The following CAPG variants were observed in gnomAD, a reference collection of about 807,000 sequenced individuals.
The protein encoded by CAPG is capping actin protein, gelsolin like.
Under a neutral mutation model 44.6 loss-of-function variants are expected in CAPG, and 32 were observed. The ratio of observed to expected loss-of-function variants is 0.72; its 90% CI spans 0.54 to 0.96. CAPG has a LOEUF of 0.96. CAPG is among the 50% of genes least tolerant of loss of function. The probability of loss-of-function intolerance (pLI) is 0.00; values close to 1 mark genes in which losing one functional copy is unlikely to be tolerated. For synonymous variants in CAPG, 175 were observed against 179.6 expected (o/e 0.97, Z 0.20); for missense variants, 412 against 438.3 (o/e 0.94, Z 0.54).
chr2:85,399,739 T>TC (rs1401484893), intron 5 of CAPG, among the ~76,000 whole-genome samples: 1 of 145,818 alleles, frequency 6.9e-6, no homozygotes, highest in Non-Finnish European at 1.5e-5. Context: ...TCTTTCTTTT[T>TC]CTTTTTTTTT....
chr2:85,394,052 T>C (rs1360071559), downstream of CAPG, among the ~76,000 whole-genome samples: 1 of 152,242 alleles, frequency 6.6e-6, no homozygotes. Flanking sequence ...TGGTCCAAGC[T>C]GACACAGGCT....
intron 1 of CAPG, among the ~76,000 whole-genome samples, chr2:85,408,346 ACAC>A (rs2104843348): frequency 7.0e-6 from 1 of 143,238 alleles, no homozygotes; most frequent in South Asian, 2.2e-4. Context: ...TGTCACACAC[ACAC>A]ACACACACAC....
intron 7 of CAPG, 179 bp from the exon 8 acceptor site, chr2:85,398,331 T>A: frequency 1.5e-6 from 1 of 670,654 alleles, no homozygotes; most frequent in South Asian, 1.9e-5. Flanking sequence ...GCAGCCCCAC[T>A]CCCTCTCATC....
At chr2:85,411,106 T>C (rs1687396304), upstream of CAPG, among the ~76,000 whole-genome samples, 1 of 152,150 alleles carries the variant, frequency 6.6e-6, no homozygotes, top group African/African-American at 2.4e-5. Flanking sequence ...TCCTCCCACT[T>C]TGGCCTCCCA....
chr2:85,401,657 C>A lies in CAPG; in HGVS notation c.223G>T (p.Gly75Trp). 1 of 1,614,210 alleles carries A rather than the reference C, an allele frequency of 6.2e-7. No individual in the cohort carries two copies. The highest frequency in any genetic ancestry group is 8.5e-7 in the Non-Finnish European group (1 of 1,180,036). ...TGCACAGCCAGCACGGCACAGGCCC[C>A]CTGCTCATCCCGGGATGACTGCTGG... Reference protein sequence around the residue: ...IGQQSSRDEQGACAVLAVHLN... With the variant: ...IGQQSSRDEQWACAVLAVHLN... The change falls in exon 4 of 10, where the codon GGG becomes TGG. Residue 75 changes from glycine (G) to tryptophan (W), a missense_variant. Transcript: ENST00000263867.
At chr2:85,397,835 T>G (rs187368495) in intron 8 of CAPG, among the ~76,000 whole-genome samples, 185 bp downstream of exon 8, 124 of 152,162 alleles carry the variant, frequency 8.1e-4, no homozygotes, top group African/African-American at 2.6e-3. Flanking sequence ...CTGGGCAACA[T>G]AGAAAGAACC....
intron 1 of CAPG, among the ~76,000 whole-genome samples, chr2:85,408,206 G>A (rs1687256707): frequency 6.6e-6 from 1 of 152,108 alleles, no homozygotes; most frequent in Admixed American, 6.5e-5. Flanking sequence ...GCCAGGCATG[G>A]TGGTGCGTGC....
intron 1 of CAPG, 56 bp from the exon 2 acceptor site, chr2:85,402,214 C>T (rs963067993): frequency 8.2e-6 from 12 of 1,460,772 alleles, no homozygotes; most frequent in East Asian, 4.9e-5. Flanking sequence ...GGACCTCTCA[C>T]GTGGGGCTGG....
chr2:85,414,639 C>G (rs1158013846), upstream of CAPG, among the ~76,000 whole-genome samples: 1 of 151,724 alleles, frequency 6.6e-6, no homozygotes, highest in African/African-American at 2.4e-5. Context: ...ACTCTATTGC[C>G]CAGGTTGGTC....
At chr2:85,398,825 C>A in intron 6 of CAPG, 43 bp from the exon 7 acceptor site, 3 of 1,440,408 alleles carry the variant, frequency 2.1e-6, no homozygotes, top group East Asian at 2.4e-5. Context: ...GACCCCTGCC[C>A]TGGAACTTCC....
intron 1 of CAPG, among the ~76,000 whole-genome samples, chr2:85,407,588 C>T (rs1687217833): frequency 6.6e-6 from 1 of 151,672 alleles, no homozygotes; most frequent in Admixed American, 6.6e-5. Flanking sequence ...TGGCGCACAC[C>T]TGTCATCCTA....
intron 1 of CAPG, among the ~76,000 whole-genome samples, chr2:85,402,475 T>TC (rs1331277183): frequency 6.8e-6 from 1 of 147,936 alleles, no homozygotes; most frequent in East Asian, 1.9e-4. Flanking sequence ...GAGCAATGAA[T>TC]TTTTTTTTTG....
chr2:85,414,863 G>A (rs527475335), upstream of CAPG, among the ~76,000 whole-genome samples: 3 of 152,340 alleles, frequency 2.0e-5, no homozygotes, highest in African/African-American at 4.8e-5. Context: ...GTTGGACAGC[G>A]ATGGGTCCAC....
chr2:85,397,696 CCTTCT>C, intron 8 of CAPG, among the ~76,000 whole-genome samples: 3 of 130,170 alleles, frequency 2.3e-5, no homozygotes, highest in African/African-American at 8.6e-5. Context: ...GAGCAAGATT[CCTTCT>C]CAAAAAGAAA....
At chr2:85,417,630 G>A (rs1421492832) in intron 1 of CAPG, among the ~76,000 whole-genome samples, 1 of 151,958 alleles carries the variant, frequency 6.6e-6, no homozygotes, top group East Asian at 1.9e-4. Context: ...TTACAGGCAC[G>A]TGCCACCACG....
At chr2:85,401,068 C>T (rs1279676498) in intron 5 of CAPG, 97 bp downstream of exon 5, 2 of 1,210,886 alleles carry the variant, frequency 1.7e-6, no homozygotes, top group Admixed American at 2.1e-5. Flanking sequence ...GGGTTTACGG[C>T]TTCTCAGCTT....
In CAPG at chr2:85,398,187, C is replaced by CCA. The variant is rs771276049; in HGVS notation, c.760-36_760-35insTG. On this transcript the variant is annotated intron_variant, in intron 7 of 9. Transcript: ENST00000263867. ...AGGGACAGTGCCTGATCTCACCCCC[C>CCA]ACACACCAGCCCTCACCTCAGCCTG... The CCA allele has an allele frequency of 4.4e-6, 7 of 1,605,820 alleles. No individual in the cohort carries two copies. The East Asian group carries it at 1.6e-4, about 36-fold the overall frequency.
At chr2:85,402,027 C>G (rs538006072) in intron 2 of CAPG, 70 bp from the exon 3 acceptor site, 1 of 1,610,242 alleles carries the variant, frequency 6.2e-7, no homozygotes. Flanking sequence ...GCAGGCCTGG[C>G]GACTGCAGTC....
rs751243644 is a variant in CAPG at position 85,401,592 on chromosome 2, G to A, written c.288C>T (p.Arg96=). The part of the protein sequence containing the change: ...TLLGERPVQH[R]EVQGNESDLF... The stretch of plus-strand genomic sequence containing the variant: ...GGTCAGACTCATTGCCCTGCACCTC[G>A]CGGTGCTGCACAGGCCGCTCTCCCA... Residue 96 remains arginine (R), a synonymous_variant, in exon 4 of 10, where the codon CGC becomes CGT. Transcript: ENST00000263867. The A allele has an allele frequency of 5.1e-5, 83 of 1,614,152 alleles. 1 individual carries two copies. In the South Asian group the frequency reaches 6.6e-4, roughly 13 times the overall value.
Sources: allele counts gnomAD v4.1 joint callset (sites outside exome capture counted in the v4.1 genomes callset), GRCh38; gene constraint gnomAD v4.1.1; transcripts MANE v1.5; gene names NCBI Gene and HGNC (gene_info 2026-07-23, HGNC 2026-07-21).